The following PARD3 variants were observed in gnomAD, a reference collection of about 807,000 sequenced individuals.
The protein encoded by PARD3 is partitioning defective 3 homolog.
A neutral mutation model predicts 155.4 loss-of-function variants in PARD3; 75 were observed. That is an observed-to-expected ratio of 0.48 (90% CI 0.40 to 0.58). The LOEUF (loss-of-function observed/expected upper bound fraction) is 0.58, where lower values mean the gene tolerates loss of function less well. Ranked by LOEUF, PARD3 falls within the 20% of genes least tolerant of loss-of-function variation. PARD3 has a pLI of 0.00. For missense variants in PARD3, 1,642 were observed against 1,721.7 expected (o/e 0.95, Z 0.82); for synonymous variants, 576 against 610.5 (o/e 0.94, Z 0.83).
chr10:34,768,900 A>C (rs16935722), intron 1 of PARD3, among the ~76,000 whole-genome samples: 39,895 of 152,088 alleles, frequency 0.26, 5,644 homozygotes, highest in East Asian at 0.54. Context: ...GTGAATATCC[A>C]GTTCCCAGCG....
At chr10:34,149,314 C>T (rs541370954) in intron 22 of PARD3, among the ~76,000 whole-genome samples, 2 of 152,098 alleles carry the variant, frequency 1.3e-5, no homozygotes, top group African/African-American at 4.8e-5. Flanking sequence ...CCTCTTTCTT[C>T]TTGTATTCAC....
intron 22 of PARD3, among the ~76,000 whole-genome samples, chr10:34,176,021 A>G (rs1013497251): frequency 6.6e-6 from 1 of 152,200 alleles, no homozygotes; most frequent in African/African-American, 2.4e-5. Context: ...ATAAATTAGT[A>G]GGTAATTAGT....
intron 22 of PARD3, among the ~76,000 whole-genome samples, chr10:34,188,847 A>T (rs1235925379): frequency 1.3e-5 from 2 of 151,998 alleles, no homozygotes; most frequent in Admixed American, 1.3e-4. Flanking sequence ...ATTCCAAGAA[A>T]CAAATCTGAC....
At chr10:34,289,517 T>C (rs1956573682) in intron 20 of PARD3, among the ~76,000 whole-genome samples, 1 of 148,364 alleles carries the variant, frequency 6.7e-6, no homozygotes, top group African/African-American at 2.5e-5. Context: ...ATAATAATAA[T>C]AAGTAGAGGG....
At chr10:34,741,467 G>C (rs1229430258) in intron 1 of PARD3, among the ~76,000 whole-genome samples, 2 of 152,098 alleles carry the variant, frequency 1.3e-5, no homozygotes, top group African/African-American at 4.8e-5. Flanking sequence ...TTACAGGCAT[G>C]AGCCACTGTG....
At position 34,349,580 on chromosome 10, in the gene PARD3, T is replaced by TAAAAAAAAAAAAAAAAAAAAAAAAAAAAA; in HGVS notation, c.2068-1494_2068-1466dup. ...TAAATTCCAAGAGACTCTGGGAAAG[T>TAAAAAAAAAAAAAAAAAAAAAAAAAAAAA]AAAAAAAAAAAAAAAAAAAAAAAAA... is the stretch of plus-strand genomic sequence containing the variant. On this transcript the variant is annotated intron_variant, in intron 14 of 24. Transcript: ENST00000374788. Among the ~76,000 whole-genome samples, 3 of 44,708 alleles carry TAAAAAAAAAAAAAAAAAAAAAAAAAAAAA rather than the reference T, an allele frequency of 6.7e-5. 1 individual carries two copies. The highest frequency in any genetic ancestry group is 2.3e-4 in the African/African-American group (2 of 8,886). The allele number at this position is 44,708 out of a possible 152,430, so 29.3% of individuals were successfully genotyped here.
At chr10:34,153,205 G>T (rs528071177) in intron 22 of PARD3, among the ~76,000 whole-genome samples, 201 of 152,188 alleles carry the variant, frequency 1.3e-3, no homozygotes, top group African/African-American at 4.7e-3. Flanking sequence ...TAAACTCCTG[G>T]GATCAGGCAA....
At chr10:34,349,386 T>G (rs1345515831) in intron 14 of PARD3, among the ~76,000 whole-genome samples, 3 of 151,966 alleles carry the variant, frequency 2.0e-5, no homozygotes, top group Non-Finnish European at 4.4e-5. Context: ...AACTTGCAGC[T>G]CTAGTGAATT....
intron 19 of PARD3, among the ~76,000 whole-genome samples, chr10:34,321,706 C>A (rs1958389725): frequency 6.6e-6 from 1 of 152,132 alleles, no homozygotes; most frequent in African/African-American, 2.4e-5. Flanking sequence ...GCAAATGGAG[C>A]TCAATTAAAA....
At chr10:34,686,038 T>C (rs954883884) in intron 2 of PARD3, among the ~76,000 whole-genome samples, 3 of 152,234 alleles carry the variant, frequency 2.0e-5, no homozygotes, top group Admixed American at 2.0e-4. Context: ...TTCACATGTT[T>C]AGTAATAACT....
chr10:34,555,392 T>A (rs1024415434), intron 2 of PARD3, among the ~76,000 whole-genome samples: 1 of 152,160 alleles, frequency 6.6e-6, no homozygotes, highest in Non-Finnish European at 1.5e-5. Context: ...TTGAAAATGA[T>A]GGGAAGTTTT....
At chr10:34,568,187 T>C (rs962572500) in intron 2 of PARD3, among the ~76,000 whole-genome samples, 3 of 152,184 alleles carry the variant, frequency 2.0e-5, no homozygotes, top group African/African-American at 7.2e-5. Flanking sequence ...CTTCCAAAAA[T>C]TGCATTTTAT....
chr10:34,583,107 C>G (rs888352359), intron 2 of PARD3, among the ~76,000 whole-genome samples: 9 of 152,242 alleles, frequency 5.9e-5, no homozygotes, highest in African/African-American at 2.2e-4. Context: ...TTGTGAGTAC[C>G]TGGGATTAAA....
intron 2 of PARD3, among the ~76,000 whole-genome samples, chr10:34,613,448 A>G (rs966757870): frequency 6.6e-6 from 1 of 152,238 alleles, no homozygotes; most frequent in African/African-American, 2.4e-5. Flanking sequence ...TTGTAGGAAT[A>G]ATAGAGCTAT....
intron 4 of PARD3, among the ~76,000 whole-genome samples, chr10:34,455,527 GTTGCCGAGGCTGGAGCCTCGGCAACAAT>G (rs891270172): frequency 4.6e-5 from 7 of 151,774 alleles, no homozygotes; most frequent in African/African-American, 1.7e-4. Flanking sequence ...GTCTCGCTCT[GTTGCCGAGGCTGGAGCCTCGGCAACAAT>G]TTATTTATTC....
chr10:34,607,933 T>A (rs190088532), intron 2 of PARD3, among the ~76,000 whole-genome samples: 40 of 152,326 alleles, frequency 2.6e-4, no homozygotes, highest in Admixed American at 1.1e-3. Flanking sequence ...TTATTTATTT[T>A]GAAGCTCTGT....
At chr10:34,626,022 A>G (rs1021049180) in intron 2 of PARD3, among the ~76,000 whole-genome samples, 4 of 152,200 alleles carry the variant, frequency 2.6e-5, no homozygotes, top group Admixed American at 2.0e-4. Context: ...TCAATATTCT[A>G]TCTCAAAATA....
intron 5 of PARD3, among the ~76,000 whole-genome samples, chr10:34,415,614 C>G (rs1014371940): frequency 6.6e-6 from 1 of 152,030 alleles, no homozygotes; most frequent in Non-Finnish European, 1.5e-5. Flanking sequence ...AAAAAGGAAC[C>G]TGAATTGCAT....
At chr10:34,701,663 G>A (rs886441243) in intron 1 of PARD3, among the ~76,000 whole-genome samples, 1 of 152,086 alleles carries the variant, frequency 6.6e-6, no homozygotes, top group African/African-American at 2.4e-5. Context: ...GGGAGGCAGG[G>A]ACAGGAGGAT....
Sources: allele counts gnomAD v4.1 joint callset (sites outside exome capture counted in the v4.1 genomes callset), GRCh38; gene constraint gnomAD v4.1.1; transcripts MANE v1.5; gene names NCBI Gene and HGNC (gene_info 2026-07-23, HGNC 2026-07-21).